GSG1L2: variants seen among roughly 807,000 people sequenced by gnomAD.
GSG1L2 encodes the protein GSG1 like 2, also known as germ cell-specific gene 1-like protein 2.
GSG1L2 carries 15 observed loss-of-function variants against 9.0 expected under a neutral mutation model. That is an observed-to-expected ratio of 1.67 (90% confidence interval 1.12 to 2.57). The LOEUF (loss-of-function observed/expected upper bound fraction) is 2.57, where lower values mean the gene tolerates loss of function less well. GSG1L2 is among the 30% of genes most tolerant of loss of function. The pLI, the probability that GSG1L2 is intolerant of heterozygous loss-of-function variation, is 0.00. For synonymous variants in GSG1L2, 127 were observed against 57.9 expected (o/e 2.19, Z -5.41); for missense variants, 286 against 150.3 (o/e 1.90, Z -4.72).
chr17:9,810,277 G>A (rs2152023240), intron 2 of GSG1L2: 1 of 490,052 alleles, frequency 2.0e-6, no homozygotes, highest in Non-Finnish European at 3.6e-6. Context: ...ACTGAGAGCT[G>A]CATTCATCTT....
chr17:9,820,967 G>A lies in GSG1L2; in HGVS notation c.310+795C>T, dbSNP rs1340169437. ...AATGAGCCACCAGGCTGGGCCTCAG[G>A]GGCTTCATTCTTGTTGCCTTTTACT... On this transcript the variant is annotated intron_variant, in intron 1 of 4. Coordinates refer to ENST00000399363, the MANE Select transcript of GSG1L2 (RefSeq NM_001310219.2). This position sits in a 1 kb window ranked among gnomAD's most constrained non-coding sequence, Gnocchi z 4.9. Among the ~76,000 whole-genome samples, 1 of 152,102 alleles carries A rather than the reference G, an allele frequency of 6.6e-6. No individual in the cohort carries two copies. The highest frequency in any genetic ancestry group is 1.5e-5 in the Non-Finnish European group (1 of 68,036).
chr17:9,817,325 A>C (rs771181298), intron 1 of GSG1L2, among the ~76,000 whole-genome samples: 8 of 151,250 alleles, frequency 5.3e-5, no homozygotes, highest in Non-Finnish European at 1.2e-4. Context: ...GCTCCCTCCC[A>C]TTGGTCTAAT....
chr17:9,816,297 T>G (rs1215614441), intron 1 of GSG1L2, among the ~76,000 whole-genome samples: 1 of 152,228 alleles, frequency 6.6e-6, no homozygotes, highest in Non-Finnish European at 1.5e-5. Context: ...CAGTGTGTGC[T>G]CCTGACAGTA....
intron 1 of GSG1L2, among the ~76,000 whole-genome samples, chr17:9,812,311 C>T (rs530790759): frequency 6.6e-6 from 1 of 152,048 alleles, no homozygotes; most frequent in South Asian, 2.1e-4. Flanking sequence ...TTTAATTTTC[C>T]TATTCAAGAA....
rs184861995 is a variant in GSG1L2 at position 9,821,338 on chromosome 17, T to C, written c.310+424A>G. On this transcript the variant is annotated intron_variant, in intron 1 of 4. Coordinates refer to ENST00000399363, the MANE Select transcript of GSG1L2 (RefSeq NM_001310219.2). The stretch of plus-strand genomic sequence containing the variant: ...GCAGGATAAATAACAGGGATGCACC[T>C]TCGAGTTGGGTCGGGACCACCTTTC... 1.2e-3 allele frequency among the ~76,000 whole-genome samples: 183 copies of C among 152,334 alleles called. 1 individual carries two copies. Among genetic ancestry groups the C allele is most frequent in the Non-Finnish European group, 2.5e-3 (167 of 68,040 alleles).
At chr17:9,816,846 T>TG (rs2066567870) in intron 1 of GSG1L2, among the ~76,000 whole-genome samples, 4 of 100,300 alleles carry the variant, frequency 4.0e-5, no homozygotes, top group East Asian at 6.3e-4. Flanking sequence ...CTGTGTGTGT[T>TG]TCTGTGTATC....
At chr17:9,807,930 A>T (rs1003777486) in intron 3 of GSG1L2, 9 of 233,392 alleles carry the variant, frequency 3.9e-5, no homozygotes, top group African/African-American at 1.3e-4. Flanking sequence ...GGTGGCATGC[A>T]CCTGTAATCC....
intron 4 of GSG1L2, chr17:9,805,752 C>T (rs906096122): frequency 1.3e-5 from 2 of 152,138 alleles, no homozygotes; most frequent in Non-Finnish European, 2.9e-5. Flanking sequence ...GCAGGAAGAC[C>T]GAGGGCTTTG....
At position 9,800,617 on chromosome 17, in the gene GSG1L2, A is replaced by G. The variant is rs567122046; in HGVS notation, c.*1769T>C. Among the ~76,000 whole-genome samples, 12 of 152,378 alleles carry G rather than the reference A, an allele frequency of 7.9e-5. No homozygotes were observed. The East Asian group carries it at 2.3e-3, about 29-fold the overall frequency. On this transcript the variant is annotated 3_prime_UTR_variant, in exon 5 of 5. Coordinates refer to ENST00000399363, the MANE Select transcript of GSG1L2 (RefSeq NM_001310219.2). ...TAAAAACTTGTCCAAATAGTTTTTA[A>G]AAGTTTATTTCTTCTTTGGCATCCT...
At chr17:9,809,269 A>G in intron 2 of GSG1L2, 2 of 409,238 alleles carry the variant, frequency 4.9e-6, no homozygotes, top group South Asian at 2.3e-5. Context: ...GGGGGTCTCC[A>G]TGCCCTAGCT....
rs1260027365 is a variant in GSG1L2, at chr17:9,801,290, C to G, written c.*1096G>C. On this transcript the variant is annotated 3_prime_UTR_variant, in exon 5 of 5. Transcript: ENST00000399363. ...TGGCGCGATCTCTGCTCACTGCAAC[C>G]TCCACCTCCCAGGTTCAAGCGATTT... 6.6e-6 allele frequency among the ~76,000 whole-genome samples: 1 copy of G among 152,120 alleles called. No individual in the cohort carries two copies. Among genetic ancestry groups the G allele is most frequent in the Non-Finnish European group, 1.5e-5 (1 of 68,020 alleles).
At chr17:9,810,822 A>G (rs2066536320) in intron 1 of GSG1L2, 1 of 572,814 alleles carries the variant, frequency 1.7e-6, no homozygotes, top group Admixed American at 3.2e-5. Flanking sequence ...ACACTCTTTG[A>G]CCAATGAACT....
intron 4 of GSG1L2, chr17:9,805,332 A>G (rs1423525442): frequency 2.0e-5 from 3 of 151,416 alleles, no homozygotes; most frequent in Non-Finnish European, 4.4e-5. Flanking sequence ...GCCAAAGGAC[A>G]TCATCATGGC....
intron 3 of GSG1L2, 97 bp from the exon 4 acceptor site, chr17:9,807,698 A>G: frequency 1.5e-6 from 1 of 684,252 alleles, no homozygotes; most frequent in Non-Finnish European, 2.7e-6. Context: ...TCTAGCATTC[A>G]TAAAGTCCTT....
intron 1 of GSG1L2, among the ~76,000 whole-genome samples, chr17:9,813,367 CGTGCGTCACAT>C (rs1337927691): frequency 2.0e-5 from 3 of 152,156 alleles, no homozygotes; most frequent in Non-Finnish European, 4.4e-5. Context: ...GCCAGGGATT[CGTGCGTCACAT>C]GACTGTCCAT....
intron 1 of GSG1L2, among the ~76,000 whole-genome samples, chr17:9,815,357 G>T (rs544672118): frequency 6.6e-6 from 1 of 152,230 alleles, no homozygotes; most frequent in South Asian, 2.1e-4. Context: ...ATGGGTATGG[G>T]TCACTTACAT....
At chr17:9,803,436 T>G (rs1243349293) in intron 4 of GSG1L2, among the ~76,000 whole-genome samples, 2 of 152,220 alleles carry the variant, frequency 1.3e-5, no homozygotes, top group African/African-American at 4.8e-5. Context: ...ATCCAGGCTG[T>G]AAGCCTGTTG....
At position 9,802,573 on chromosome 17, in the gene GSG1L2, C is replaced by G. The variant is rs530411013; in HGVS notation, c.695G>C (p.Arg232Pro). 5.7e-6 allele frequency: 4 copies of G among 702,626 alleles called. No individual in the cohort carries two copies. Among genetic ancestry groups the G allele is most frequent in the Non-Finnish European group, 1.0e-5 (4 of 384,954 alleles). The allele number at this position is 702,626 out of a possible 1,614,324, so 43.5% of individuals were successfully genotyped here. A position where few individuals can be genotyped will look rare whatever the true frequency, so the allele number is the denominator to read the frequency against. Residue 232 changes from arginine (R) to proline (P), a missense_variant, in exon 5 of 5, where the codon CGC becomes CCC. Physicochemically the swap from Arg to Pro is moderately radical, Grantham distance 103. Coordinates refer to ENST00000399363, the MANE Select transcript of GSG1L2 (RefSeq NM_001310219.2). ...VSAMSRFTAA[R>P]LEFTEKQQAQ... ...CTGCTGCTTCTCGGTGAATTCCAGG[C>G]GGGCTGCCGTGAACCTGCTCATGGC...
rs777212755 is a variant in GSG1L2, at chr17:9,821,931, C to T, written c.141G>A (p.Pro47=). 35 of 703,086 alleles carry T rather than the reference C, an allele frequency of 5.0e-5. No homozygotes were observed. The highest frequency in any genetic ancestry group is 1.8e-4 in the South Asian group (12 of 67,604). 43.6% of individuals were successfully genotyped at this position (703,086 alleles called of 1,614,324 possible). ...TGAAGTGAATGCAGTGCTGCCCTCC[C>T]GGCTGGTCCTGGCACAGTGGCTTCA... ...RVVKPLCQDQ[P]GGQHCIHFKR... is the part of the protein sequence containing the mutation. Residue 47 remains proline, a synonymous_variant, in exon 1 of 5, where the codon CCG becomes CCA. Coordinates refer to ENST00000399363, the MANE Select transcript of GSG1L2 (RefSeq NM_001310219.2).
Sources: gnomAD v4.1 joint callset for allele counts (sites outside exome capture counted in the v4.1 genomes callset) on GRCh38, gnomAD v4.1.1 for gene constraint, Gnocchi (gnomAD v3.1) non-coding constraint, MANE v1.5 for transcripts, NCBI Gene and HGNC (gene_info 2026-07-23, HGNC 2026-07-21) for gene names.